NCOA1: variants seen among roughly 807,000 people sequenced by gnomAD.
NCOA1 encodes the protein nuclear receptor coactivator 1, also known as Hin-2 protein.
NCOA1 carries 35 observed loss-of-function variants against 150.9 expected under a neutral mutation model. That is an observed-to-expected ratio of 0.23 (90% CI 0.18 to 0.31). The LOEUF is 0.31. Among genes scored for constraint, NCOA1 ranks in the 10% least tolerant of loss-of-function variants. The pLI, the probability that NCOA1 is intolerant of heterozygous loss-of-function variation, is 1.00. For synonymous variants in NCOA1, 590 were observed against 630.0 expected, an observed-to-expected ratio of 0.94 and a Z score of 0.95; for missense variants, 1,491 against 1,749.3, an observed-to-expected ratio of 0.85 and a Z score of 2.63.
In NCOA1 at chr2:24,757,973, T is replaced by C. The variant is rs753776254; in HGVS notation, c.3882T>C (p.Asn1294=). Residue 1294 remains asparagine (N), a splice_region_variant and synonymous_variant, in exon 21 of 23, where the codon AAT becomes AAC. Coordinates refer to ENST00000348332, the MANE Select transcript of NCOA1 (RefSeq NM_003743.5). The part of the protein sequence containing the change: ...AWQQGAIGNN[N]VFSQAVQNQP... ...ATCTGGATTGTTTTTGAGTTTACAGTGTGTTCAGTCAAGCTGTCCAGAACC... is the reference window on the plus strand; with the variant it reads ...ATCTGGATTGTTTTTGAGTTTACAGCGTGTTCAGTCAAGCTGTCCAGAACC... 1.2e-5 allele frequency: 19 copies of C among 1,613,166 alleles called. No individual in the cohort carries two copies. The African/African-American group carries it at 1.7e-4, about 15-fold the overall frequency.
At chr2:24,559,340 C>T (rs917256275) in intron 1 of NCOA1, among the ~76,000 whole-genome samples, 1 of 152,190 alleles carries the variant, frequency 6.6e-6, no homozygotes, top group African/African-American at 2.4e-5. Flanking sequence ...CAGCAGTTGG[C>T]TGCTGGTCCC....
chr2:24,696,396 G>T (rs1158522856), intron 10 of NCOA1, among the ~76,000 whole-genome samples: 1 of 152,136 alleles, frequency 6.6e-6, no homozygotes, highest in East Asian at 1.9e-4. Context: ...AACATTAGTG[G>T]TGAACTCTAA....
intron 17 of NCOA1, among the ~76,000 whole-genome samples, chr2:24,730,871 CAAAAAAAAA>C (rs35975198): frequency 1.6e-5 from 1 of 61,904 alleles, no homozygotes; most frequent in Non-Finnish European, 2.8e-5. Context: ...ACTAAAAGTA[CAAAAAAAAA>C]AAAAAAAAAA....
intron 3 of NCOA1, among the ~76,000 whole-genome samples, chr2:24,604,049 C>T (rs929587133): frequency 9.2e-5 from 14 of 152,226 alleles, no homozygotes; most frequent in Admixed American, 3.3e-4. Flanking sequence ...TCTCCTTGTA[C>T]ATCTCCATCA....
intron 2 of NCOA1, among the ~76,000 whole-genome samples, chr2:24,565,966 C>G (rs1190519507): frequency 6.6e-6 from 1 of 152,138 alleles, no homozygotes; most frequent in Non-Finnish European, 1.5e-5. Flanking sequence ...TGCCCTGGCT[C>G]AAGGAACTCC....
Position 24,557,473 on chromosome 2 carries a change from G to T in NCOA1, c.-395-6822G>T, listed in dbSNP as rs573081588. Among the ~76,000 whole-genome samples, 143 of 151,778 alleles carry T rather than the reference G, an allele frequency of 9.4e-4. 1 individual carries two copies. The highest frequency in any genetic ancestry group is 3.3e-3 in the African/African-American group (138 of 41,384). ...TTATATTTATCTTCCAATGCTCTTC[G>T]TCTTTGCTACCCCCTCCCCCTCCTC... On this transcript the variant is annotated intron_variant, in intron 1 of 22. Coordinates refer to ENST00000348332, the MANE Select transcript of NCOA1 (RefSeq NM_003743.5).
chr2:24,492,832 A>G lies in NCOA1; in HGVS notation c.-396+1230A>G, dbSNP rs1057082605. Among the ~76,000 whole-genome samples the G allele has an allele frequency of 5.9e-5, 9 of 152,186 alleles. No homozygotes were observed. The South Asian group carries it at 1.7e-3, about 28-fold the overall frequency. Reference sequence around the variant, plus strand: ...GGCTGGTGCTTACATTTCAGTGATTAAGAAATCAAGTGTCTGCTTAAAACA... The same window carrying G: ...GGCTGGTGCTTACATTTCAGTGATTGAGAAATCAAGTGTCTGCTTAAAACA... On this transcript the variant is annotated intron_variant, in intron 1 of 22. Transcript: ENST00000348332.
intron 1 of NCOA1, among the ~76,000 whole-genome samples, chr2:24,496,490 A>G (rs1275453668): frequency 6.6e-6 from 1 of 152,244 alleles, no homozygotes; most frequent in Non-Finnish European, 1.5e-5. Context: ...CAAAAACAGC[A>G]TCAAAGCTGG....
chr2:24,590,961 T>G (rs1667632385), intron 3 of NCOA1, among the ~76,000 whole-genome samples: 1 of 152,194 alleles, frequency 6.6e-6, no homozygotes, highest in Non-Finnish European at 1.5e-5. Context: ...CGATTTTGCT[T>G]ACTACTGTAT....
At chr2:24,652,592 T>A (rs888462133) in intron 4 of NCOA1, among the ~76,000 whole-genome samples, 2 of 152,158 alleles carry the variant, frequency 1.3e-5, no homozygotes, top group African/African-American at 4.8e-5. Flanking sequence ...GACAGATTTC[T>A]TATGTAGAAA....
At chr2:24,750,098 A>G (rs1212151652) in intron 19 of NCOA1, among the ~76,000 whole-genome samples, 1 of 151,250 alleles carries the variant, frequency 6.6e-6, no homozygotes, top group Non-Finnish European at 1.5e-5. Context: ...ATTACAGAAG[A>G]AAAAAATAGT....
chr2:24,523,208 C>T (rs780206462), intron 1 of NCOA1, among the ~76,000 whole-genome samples: 2 of 152,164 alleles, frequency 1.3e-5, no homozygotes, highest in African/African-American at 4.8e-5. Flanking sequence ...CTGCCCCGAT[C>T]AGCTTTTTAA....
intron 1 of NCOA1, among the ~76,000 whole-genome samples, chr2:24,513,462 C>T (rs1418116744): frequency 6.6e-6 from 1 of 151,698 alleles, no homozygotes; most frequent in Non-Finnish European, 1.5e-5. Flanking sequence ...TTTACTTACT[C>T]ACGCTCCTCT....
chr2:24,602,335 G>A, intron 3 of NCOA1, among the ~76,000 whole-genome samples: 1 of 151,940 alleles, frequency 6.6e-6, no homozygotes, highest in East Asian at 1.9e-4. Flanking sequence ...CCAGTAGCTG[G>A]GACTACAGGG....
chr2:24,523,211 C>G (rs191822729), intron 1 of NCOA1, among the ~76,000 whole-genome samples: 17 of 152,262 alleles, frequency 1.1e-4, no homozygotes, highest in Admixed American at 4.6e-4. Context: ...CCCCGATCAG[C>G]TTTTTAAAAC....
chr2:24,580,153 G>A (rs1667140456), intron 2 of NCOA1, among the ~76,000 whole-genome samples: 1 of 152,116 alleles, frequency 6.6e-6, no homozygotes, highest in Non-Finnish European at 1.5e-5. Context: ...CTCTCTTACT[G>A]TTTTTATTAC....
intron 4 of NCOA1, among the ~76,000 whole-genome samples, chr2:24,648,722 A>G (rs1356362070): frequency 6.6e-6 from 1 of 152,136 alleles, no homozygotes; most frequent in Admixed American, 6.5e-5. Context: ...ATTTGGCTCT[A>G]TGACTTTGGT....
intron 19 of NCOA1, among the ~76,000 whole-genome samples, chr2:24,751,373 A>C (rs769712233): frequency 5.0e-4 from 75 of 150,810 alleles, no homozygotes; most frequent in Non-Finnish European, 7.5e-4. Flanking sequence ...ACCTGAGGTC[A>C]GGAGTTCGAG....
At chr2:24,616,914 G>A (rs915654240) in intron 3 of NCOA1, among the ~76,000 whole-genome samples, 6 of 152,140 alleles carry the variant, frequency 3.9e-5, no homozygotes, top group Admixed American at 1.3e-4. Flanking sequence ...TTCTGAAAGC[G>A]ATACTTTGGA....
Sources: gnomAD v4.1 joint callset for allele counts (sites outside exome capture counted in the v4.1 genomes callset) on GRCh38, gnomAD v4.1.1 for gene constraint, MANE v1.5 for transcripts, NCBI Gene and HGNC (gene_info 2026-07-23, HGNC 2026-07-21) for gene names.